CCNY: variants seen among roughly 807,000 people sequenced by gnomAD.
The protein encoded by CCNY is cyclin Y.
A neutral mutation model predicts 42.8 loss-of-function variants in CCNY; 19 were observed. The observed-to-expected ratio is 0.44, with a 90% CI of 0.31 to 0.65. The LOEUF (loss-of-function observed/expected upper bound fraction) is 0.65. Among genes scored for constraint, CCNY ranks in the 30% least tolerant of loss-of-function variants. The pLI is 0.07. For synonymous variants in CCNY, 165 were observed against 162.7 expected, an observed-to-expected ratio of 1.01 and a Z score of -0.11; for missense variants, 370 against 437.3, an observed-to-expected ratio of 0.85 and a Z score of 1.37.
At chr10:35,521,220 T>G (rs938669799) in intron 4 of CCNY, among the ~76,000 whole-genome samples, 1 of 152,234 alleles carries the variant, frequency 6.6e-6, no homozygotes, top group African/African-American at 2.4e-5. Context: ...ATAGTCCAAA[T>G]GTTTTGTTCC....
intron 8 of CCNY, among the ~76,000 whole-genome samples, chr10:35,564,332 G>A (rs1841524811): frequency 6.6e-6 from 1 of 152,088 alleles, no homozygotes; most frequent in Admixed American, 6.5e-5. Flanking sequence ...CTTGCCGCCT[G>A]CCCACAGGTC....
chr10:35,392,009 T>TC (rs1837424781), intron 1 of CCNY, among the ~76,000 whole-genome samples: 1 of 152,224 alleles, frequency 6.6e-6, no homozygotes, highest in South Asian at 2.1e-4. Context: ...TATTATTTGT[T>TC]CCATTAAAAT....
intron 8 of CCNY, among the ~76,000 whole-genome samples, chr10:35,557,932 C>T (rs927930753): frequency 6.6e-6 from 1 of 152,098 alleles, no homozygotes; most frequent in Non-Finnish European, 1.5e-5. Flanking sequence ...TCTTTTGCCT[C>T]TTTGGTGTGA....
chr10:35,389,525 T>C (rs2474535), intron 1 of CCNY, among the ~76,000 whole-genome samples: 12,219 of 150,792 alleles, frequency 0.081, 908 homozygotes, highest in African/African-American at 0.2. Flanking sequence ...CTGCAACCTC[T>C]GCCTCCCGGG....
At chr10:35,296,266 A>G (rs948582547) in intron 3 of CCNY, among the ~76,000 whole-genome samples, 2 of 152,222 alleles carry the variant, frequency 1.3e-5, no homozygotes, top group Non-Finnish European at 2.9e-5. Flanking sequence ...TTAGTAAGAT[A>G]GACCACTAGC....
intron 7 of CCNY, among the ~76,000 whole-genome samples, chr10:35,547,899 C>T (rs913305480): frequency 3.3e-5 from 5 of 152,234 alleles, no homozygotes; most frequent in Admixed American, 3.3e-4. Flanking sequence ...CAGAGGGTCA[C>T]CCAACTAATT....
intron 3 of CCNY, among the ~76,000 whole-genome samples, chr10:35,267,783 C>A (rs527707220): frequency 6.6e-6 from 1 of 152,012 alleles, no homozygotes; most frequent in East Asian, 1.9e-4. Flanking sequence ...TGTGCAATGT[C>A]GGGTAAATAG....
At chr10:35,463,462 A>C (rs1839197217) in intron 1 of CCNY, among the ~76,000 whole-genome samples, 1 of 152,212 alleles carries the variant, frequency 6.6e-6, no homozygotes, top group Non-Finnish European at 1.5e-5. Context: ...TGACAGAAGG[A>C]AGAGTCAAGG....
At chr10:35,378,979 T>C (rs1837116418) in intron 1 of CCNY, among the ~76,000 whole-genome samples, 2 of 152,016 alleles carry the variant, frequency 1.3e-5, no homozygotes, top group Non-Finnish European at 2.9e-5. Flanking sequence ...GAGACATTGG[T>C]GGAGTTGATG....
chr10:35,252,039 C>T (rs2095712369), intron 3 of CCNY, among the ~76,000 whole-genome samples: 1 of 152,126 alleles, frequency 6.6e-6, no homozygotes, highest in Admixed American at 6.5e-5. Flanking sequence ...TATATAGGTA[C>T]TTACAAAACA....
intron 8 of CCNY, among the ~76,000 whole-genome samples, chr10:35,554,235 C>T (rs1841318632): frequency 6.6e-6 from 1 of 152,074 alleles, no homozygotes; most frequent in Admixed American, 6.5e-5. Context: ...TAGGGCCCTC[C>T]TTGCCTCTGG....
At chr10:35,486,323 C>T (rs1006783767) in intron 2 of CCNY, among the ~76,000 whole-genome samples, 1 of 152,190 alleles carries the variant, frequency 6.6e-6, no homozygotes, top group Non-Finnish European at 1.5e-5. Flanking sequence ...TGCTGCAAAT[C>T]AGAGCATTTT....
chr10:35,354,016 C>T (rs544719425), intron 1 of CCNY, among the ~76,000 whole-genome samples: 1 of 152,114 alleles, frequency 6.6e-6, no homozygotes, highest in Admixed American at 6.5e-5. Flanking sequence ...TCCAGGCTCA[C>T]TTACGTGGCC....
At chr10:35,374,146 T>C (rs1837000057) in intron 1 of CCNY, among the ~76,000 whole-genome samples, 1 of 152,238 alleles carries the variant, frequency 6.6e-6, no homozygotes, top group South Asian at 2.1e-4. Flanking sequence ...TTGAATGATT[T>C]ATATTTTTGG....
intron 1 of CCNY, among the ~76,000 whole-genome samples, chr10:35,443,869 A>G (rs1181308469): frequency 6.6e-6 from 1 of 152,014 alleles, no homozygotes; most frequent in Non-Finnish European, 1.5e-5. Context: ...TCCTCTATGT[A>G]TGTCTCTTTT....
intron 7 of CCNY, among the ~76,000 whole-genome samples, chr10:35,537,559 G>T (rs1840911215): frequency 1.3e-5 from 2 of 152,220 alleles, no homozygotes; most frequent in African/African-American, 4.8e-5. Context: ...AGGACTATCA[G>T]AACCCACCTT....
At chr10:35,321,306 G>C (rs1427336797) in intron 3 of CCNY, among the ~76,000 whole-genome samples, 1 of 152,044 alleles carries the variant, frequency 6.6e-6, no homozygotes, top group African/African-American at 2.4e-5. Flanking sequence ...CTATGTCTAT[G>C]AACTACAAGA....
intron 3 of CCNY, among the ~76,000 whole-genome samples, chr10:35,280,461 A>C (rs1206757691): frequency 1.4e-5 from 2 of 144,790 alleles, no homozygotes; most frequent in African/African-American, 2.6e-5. Flanking sequence ...GAAGGAAAGA[A>C]GGGAGGAAGG....
chr10:35,325,032 T>C (rs1835863681), intron 3 of CCNY, among the ~76,000 whole-genome samples: 1 of 152,228 alleles, frequency 6.6e-6, no homozygotes, highest in Non-Finnish European at 1.5e-5. Flanking sequence ...TATAGAGAAT[T>C]AGCTAGCTGT....
Sources: allele counts gnomAD v4.1 joint callset (sites outside exome capture counted in the v4.1 genomes callset), GRCh38; gene constraint gnomAD v4.1.1; transcripts MANE v1.5; gene names NCBI Gene and HGNC (gene_info 2026-07-23, HGNC 2026-07-21).